Variants in TTLL11 observed in about 807,000 individuals in gnomAD.
TTLL11 encodes the protein tubulin polyglutamylase TTLL11.
TTLL11 carries 42 observed loss-of-function variants against 51.7 expected under a neutral mutation model. The observed-to-expected ratio is 0.81, with a 90% CI of 0.64 to 1.05. The LOEUF (loss-of-function observed/expected upper bound fraction) is 1.05, where lower values mean the gene tolerates loss of function less well. Among genes scored for constraint, TTLL11 ranks in the 50% least tolerant of loss-of-function variants. The probability of loss-of-function intolerance (pLI) is 0.00; values close to 1 mark genes in which losing one functional copy is unlikely to be tolerated. For missense variants in TTLL11, 799 were observed against 940.4 expected, an observed-to-expected ratio of 0.85 and a Z score of 1.97; for synonymous variants, 381 against 383.5, an observed-to-expected ratio of 0.99 and a Z score of 0.08.
chr9:121,837,527 G>A (rs369639948), intron 8 of TTLL11, among the ~76,000 whole-genome samples: 20 of 152,192 alleles, frequency 1.3e-4, no homozygotes, highest in African/African-American at 4.8e-4. Context: ...GGGGGTGAGG[G>A]ATGAGGGGAG....
chr9:122,007,775 T>C (rs1008756559), intron 3 of TTLL11, among the ~76,000 whole-genome samples: 1 of 152,170 alleles, frequency 6.6e-6, no homozygotes, highest in Non-Finnish European at 1.5e-5. Flanking sequence ...GCAAGAATCC[T>C]TAACAGAGGT....
chr9:122,037,777 C>T (rs1359489879), intron 2 of TTLL11, among the ~76,000 whole-genome samples: 1 of 152,166 alleles, frequency 6.6e-6, no homozygotes, highest in African/African-American at 2.4e-5. Flanking sequence ...AAATGCTTGA[C>T]ACTGACTGTC....
intron 6 of TTLL11, among the ~76,000 whole-genome samples, chr9:121,914,712 C>T (rs752721365): frequency 2.1e-4 from 32 of 152,184 alleles, no homozygotes; most frequent in Admixed American, 9.2e-4. Context: ...CTCCTGCCTG[C>T]GCTCCTGCAG....
intron 6 of TTLL11, among the ~76,000 whole-genome samples, chr9:121,942,902 G>A (rs1239445117): frequency 6.6e-6 from 1 of 152,008 alleles, no homozygotes; most frequent in Non-Finnish European, 1.5e-5. Context: ...ATTCAAGAAG[G>A]TGCAACCAAG....
chr9:122,020,170 A>G (rs1844123736), intron 3 of TTLL11, among the ~76,000 whole-genome samples: 1 of 152,206 alleles, frequency 6.6e-6, no homozygotes, highest in Non-Finnish European at 1.5e-5. Flanking sequence ...CATCATTCCA[A>G]AATGCCATAC....
chr9:121,829,093 C>T (rs1015192451), intron 8 of TTLL11, among the ~76,000 whole-genome samples: 2 of 151,832 alleles, frequency 1.3e-5, no homozygotes, highest in Non-Finnish European at 2.9e-5. Flanking sequence ...GCTGGGATTA[C>T]AGGTGCCCAT....
intron 1 of TTLL11, among the ~76,000 whole-genome samples, chr9:122,078,375 T>C (rs1026018145): frequency 2.0e-5 from 3 of 152,040 alleles, no homozygotes; most frequent in African/African-American, 2.4e-5. Context: ...AGGGAAGATA[T>C]ATGGAAAAGA....
chr9:121,859,583 G>T (rs1304851311), intron 8 of TTLL11, among the ~76,000 whole-genome samples: 1 of 152,200 alleles, frequency 6.6e-6, no homozygotes, highest in Non-Finnish European at 1.5e-5. Context: ...CCACCTAAAG[G>T]TGGGTTCTTC....
At chr9:122,064,649 T>C (rs961424039) in intron 1 of TTLL11, among the ~76,000 whole-genome samples, 14 of 152,200 alleles carry the variant, frequency 9.2e-5, no homozygotes, top group African/African-American at 3.1e-4. Context: ...TTTCTGCTTT[T>C]GTTGAGCTTA....
intron 6 of TTLL11, among the ~76,000 whole-genome samples, chr9:121,918,144 G>A (rs1840407010): frequency 6.6e-6 from 1 of 152,160 alleles, no homozygotes; most frequent in South Asian, 2.1e-4. Context: ...TGAGCTGCTG[G>A]AATTCATGGA....
chr9:121,820,517 C>T lies in TTLL11; in HGVS notation c.*2070G>A, dbSNP rs183133269. On this transcript the variant is annotated 3_prime_UTR_variant, in exon 9 of 9. Coordinates refer to ENST00000321582, the MANE Select transcript of TTLL11 (RefSeq NM_001139442.2). ...CTTGTCCCATGCCACCAGACCATGA[C>T]GGACCCCAGGCAGCCCCGAGCGGGG... 2.8e-4 allele frequency among the ~76,000 whole-genome samples: 42 copies of T among 152,284 alleles called. No homozygotes were observed. The highest frequency in any genetic ancestry group is 8.4e-4 in the African/African-American group (35 of 41,558).
chr9:121,859,266 G>A (rs370160978), intron 8 of TTLL11, among the ~76,000 whole-genome samples: 19 of 152,094 alleles, frequency 1.2e-4, no homozygotes, highest in South Asian at 1.2e-3. Flanking sequence ...CAAGACAGGC[G>A]GATCACTTGA....
At chr9:122,040,496 A>G in intron 1 of TTLL11, 1 of 825,854 alleles carries the variant, frequency 1.2e-6, no homozygotes, top group Non-Finnish European at 1.5e-6. Flanking sequence ...AAAGGAGAAA[A>G]GAGAGGCCAT....
intron 3 of TTLL11, among the ~76,000 whole-genome samples, chr9:122,027,640 T>C (rs73662571): frequency 0.016 from 2,478 of 152,296 alleles, 58 homozygotes; most frequent in African/African-American, 0.057. Flanking sequence ...AACTTTTTTG[T>C]TGAGTTTTAA....
intron 6 of TTLL11, among the ~76,000 whole-genome samples, chr9:121,952,888 C>A (rs1841895414): frequency 6.6e-6 from 1 of 152,138 alleles, no homozygotes; most frequent in East Asian, 1.9e-4. Flanking sequence ...GCACTTTTTT[C>A]ATAATGAAGG....
chr9:122,059,308 G>A (rs1564379437), intron 1 of TTLL11, among the ~76,000 whole-genome samples: 1 of 152,180 alleles, frequency 6.6e-6, no homozygotes, highest in Non-Finnish European at 1.5e-5. Flanking sequence ...TGTTTGCTGA[G>A]CATTTACTAT....
intron 6 of TTLL11, among the ~76,000 whole-genome samples, chr9:121,899,355 ATGTGTGTGTGT>A (rs1564295235): frequency 2.9e-5 from 4 of 138,902 alleles, no homozygotes; most frequent in African/African-American, 8.3e-5. Context: ...GTGTGTGTGT[ATGTGTGTGTGT>A]ATATATATAT....
chr9:121,850,647 G>GA (rs1837642057), intron 8 of TTLL11, among the ~76,000 whole-genome samples: 1 of 152,144 alleles, frequency 6.6e-6, no homozygotes, highest in South Asian at 2.1e-4. Flanking sequence ...CAGCTGATTG[G>GA]ATGGTGCCCA....
Position 121,817,877 on chromosome 9 carries a change from C to A in TTLL11, c.*4710G>T, listed in dbSNP as rs981794510. On this transcript the variant is annotated 3_prime_UTR_variant, in exon 9 of 9. Transcript: ENST00000321582. ...GGGAAAACAGAGTGCCAGTGATCCT[C>A]ATCCTTGGTGGGTTGGATGGATCTA... The A allele has an allele frequency of 6.6e-6, 1 of 152,272 alleles. No individual in the cohort carries two copies. Among genetic ancestry groups the A allele is most frequent in the African/African-American group, 2.4e-5 (1 of 41,446 alleles). 9.4% of individuals were successfully genotyped at this position (152,272 alleles called of 1,614,324 possible).
Sources: gnomAD v4.1 joint callset for allele counts (sites outside exome capture counted in the v4.1 genomes callset) on GRCh38, gnomAD v4.1.1 for gene constraint, MANE v1.5 for transcripts, NCBI Gene and HGNC (gene_info 2026-07-23, HGNC 2026-07-21) for gene names.